The following ACSS3 variants were observed in gnomAD, a reference collection of about 807,000 sequenced individuals.
ACSS3 encodes acyl-CoA synthetase short chain family member 3, also known as acyl-CoA synthetase short-chain family member 3, mitochondrial.
In ACSS3, 64 loss-of-function variants were observed where a neutral mutation model predicts 84.2. That is an observed-to-expected ratio of 0.76 (90% CI 0.62 to 0.94). The LOEUF is 0.94. ACSS3 is among the 40% of genes least tolerant of loss of function. The pLI, the probability that ACSS3 is intolerant of heterozygous loss-of-function variation, is 0.00. For synonymous variants in ACSS3, 317 were observed against 310.1 expected, an observed-to-expected ratio of 1.02 and a Z score of -0.23; for missense variants, 815 against 867.6, an observed-to-expected ratio of 0.94 and a Z score of 0.76.
intron 9 of ACSS3, among the ~76,000 whole-genome samples, chr12:81,204,540 A>T (rs1029560578): frequency 6.6e-6 from 1 of 152,184 alleles, no homozygotes; most frequent in Non-Finnish European, 1.5e-5. Context: ...AATGTTATTT[A>T]ATCCTAGATA....
chr12:81,094,616 G>A (rs981826879), intron 1 of ACSS3: 2 of 152,130 alleles, frequency 1.3e-5, no homozygotes, highest in Non-Finnish European at 2.9e-5. Flanking sequence ...CCATGGACAT[G>A]AGCTAAGTGT....
At chr12:81,156,806 C>T (rs1886895968) in intron 7 of ACSS3, among the ~76,000 whole-genome samples, 1 of 152,114 alleles carries the variant, frequency 6.6e-6, no homozygotes, top group Non-Finnish European at 1.5e-5. Context: ...ATTAAATAGA[C>T]TCCCAACAAG....
chr12:81,102,991 C>T (rs192990932), intron 1 of ACSS3, among the ~76,000 whole-genome samples: 25 of 152,276 alleles, frequency 1.6e-4, no homozygotes, highest in East Asian at 5.8e-4. Flanking sequence ...ATTGTGGGAA[C>T]GTAGCCTGCT....
chr12:81,171,547 T>C (rs1207370749), intron 7 of ACSS3, among the ~76,000 whole-genome samples: 4 of 152,170 alleles, frequency 2.6e-5, no homozygotes, highest in South Asian at 4.1e-4. Flanking sequence ...AATTAACTTA[T>C]GAAAGAACAT....
chr12:81,085,643 T>G (rs1881261718), intron 1 of ACSS3, among the ~76,000 whole-genome samples: 1 of 152,202 alleles, frequency 6.6e-6, no homozygotes, highest in Non-Finnish European at 1.5e-5. Context: ...TGCCAAATCT[T>G]GGCCAACCTG....
chr12:81,184,200 A>G (rs1265597287), intron 8 of ACSS3, among the ~76,000 whole-genome samples: 1 of 152,018 alleles, frequency 6.6e-6, no homozygotes, highest in African/African-American at 2.4e-5. Flanking sequence ...TCAATGGGTC[A>G]AAGAAGAAAT....
intron 8 of ACSS3, among the ~76,000 whole-genome samples, chr12:81,186,381 C>A (rs939345979): frequency 2.6e-5 from 4 of 151,748 alleles, no homozygotes; most frequent in Non-Finnish European, 4.4e-5. Flanking sequence ...AACTAACAAG[C>A]TCTGCACAGC....
intron 9 of ACSS3, among the ~76,000 whole-genome samples, chr12:81,206,421 G>A (rs1039990935): frequency 2.0e-5 from 3 of 152,038 alleles, no homozygotes; most frequent in Non-Finnish European, 4.4e-5. Context: ...TAATATGAAT[G>A]ACTTAACTAC....
chr12:81,194,039 C>A (rs1212764546), intron 8 of ACSS3, among the ~76,000 whole-genome samples: 1 of 151,282 alleles, frequency 6.6e-6, no homozygotes, highest in Non-Finnish European at 1.5e-5. Context: ...ATGTCAAGGT[C>A]ATTAATGAGG....
chr12:81,253,965 C>G (rs1347452477), intron 15 of ACSS3, among the ~76,000 whole-genome samples: 1 of 151,980 alleles, frequency 6.6e-6, no homozygotes. Context: ...TGCTTTATTA[C>G]CCAGGCTGTA....
chr12:81,137,335 A>T (rs1885859613), intron 3 of ACSS3, among the ~76,000 whole-genome samples: 1 of 150,292 alleles, frequency 6.7e-6, no homozygotes, highest in South Asian at 2.1e-4. Flanking sequence ...ACACACACAC[A>T]CACACACACA....
intron 1 of ACSS3, among the ~76,000 whole-genome samples, chr12:81,087,082 G>A (rs1488220690): frequency 6.6e-6 from 1 of 152,100 alleles, no homozygotes; most frequent in African/African-American, 2.4e-5. Flanking sequence ...TGAATTTTGA[G>A]TTTGAAGGAG....
chr12:81,176,674 TA>T (rs534747817), intron 8 of ACSS3, among the ~76,000 whole-genome samples: 4 of 151,062 alleles, frequency 2.6e-5, no homozygotes, highest in Non-Finnish European at 1.5e-5. Context: ...GAATCAGTAA[TA>T]AAAAAAACCT....
intron 11 of ACSS3, among the ~76,000 whole-genome samples, chr12:81,221,447 A>G (rs1488955186): frequency 2.0e-5 from 3 of 152,140 alleles, no homozygotes. Context: ...TATGAAAATT[A>G]CATGGAAAAC....
chr12:81,088,421 A>T (rs1330782866), intron 1 of ACSS3, among the ~76,000 whole-genome samples: 1 of 152,094 alleles, frequency 6.6e-6, no homozygotes, highest in Non-Finnish European at 1.5e-5. Context: ...GTACATAAAC[A>T]TTGTCAGGTA....
At chr12:81,220,097 T>C (rs780632903) in intron 11 of ACSS3, 21 bp downstream of exon 11, 18 of 1,500,220 alleles carry the variant, frequency 1.2e-5, no homozygotes, top group Non-Finnish European at 1.5e-5. Context: ...ATTTCAATAC[T>C]ACTATATTAA....
intron 11 of ACSS3, among the ~76,000 whole-genome samples, chr12:81,221,776 T>G (rs2033118316): frequency 6.6e-6 from 1 of 152,092 alleles, no homozygotes; most frequent in South Asian, 2.1e-4. Flanking sequence ...ATTAATAATT[T>G]GAACACGTTT....
intron 2 of ACSS3, among the ~76,000 whole-genome samples, chr12:81,116,205 A>G (rs1043074015): frequency 2.6e-5 from 4 of 152,112 alleles, no homozygotes; most frequent in African/African-American, 9.7e-5. Context: ...TGTAACTGGA[A>G]CTTTGGTTTA....
intron 5 of ACSS3, among the ~76,000 whole-genome samples, chr12:81,147,209 C>T (rs1886382931): frequency 6.6e-6 from 1 of 152,164 alleles, no homozygotes; most frequent in African/African-American, 2.4e-5. Context: ...CAAGATATTT[C>T]ATGTTTGATG....
Sources: allele counts gnomAD v4.1 joint callset (sites outside exome capture counted in the v4.1 genomes callset), GRCh38; gene constraint gnomAD v4.1.1; transcripts MANE v1.5; gene names NCBI Gene and HGNC (gene_info 2026-07-23, HGNC 2026-07-21).